Variants in ZFHX3 observed in about 807,000 individuals in gnomAD.
ZFHX3 encodes zinc finger homeobox 3.
ZFHX3 carries 42 observed loss-of-function variants against 279.1 expected under a neutral mutation model. The observed-to-expected ratio is 0.15, with a 90% confidence interval of 0.12 to 0.19. The LOEUF (loss-of-function observed/expected upper bound fraction) is 0.19. Ranked by LOEUF, ZFHX3 falls within the 10% of genes least tolerant of loss-of-function variation. The pLI, the probability that ZFHX3 is intolerant of heterozygous loss-of-function variation, is 1.00. For missense variants in ZFHX3, 4,981 were observed against 4,754.0 expected (o/e 1.05, Z -1.40); for synonymous variants, 2,293 against 1,957.8 (o/e 1.17, Z -4.52).
At chr16:73,154,645 T>C (rs554543611) in intron 5 of ZFHX3, among the ~76,000 whole-genome samples, 23 of 152,198 alleles carry the variant, frequency 1.5e-4, no homozygotes, top group Non-Finnish European at 2.9e-4. Flanking sequence ...ACATACATTT[T>C]AGGGACTCTT....
intron 8 of ZFHX3, among the ~76,000 whole-genome samples, chr16:73,065,664 C>G (rs1965742153): frequency 6.6e-6 from 1 of 151,694 alleles, no homozygotes; most frequent in African/African-American, 2.4e-5. Context: ...ATTCCCAGTC[C>G]TCGTCCTCCC....
chr16:73,784,816 T>TATATATAC (rs1555501460), intron 1 of ZFHX3, among the ~76,000 whole-genome samples: 12 of 135,504 alleles, frequency 8.9e-5, no homozygotes, highest in African/African-American at 3.4e-4. Flanking sequence ...TATATATATA[T>TATATATAC]ACACACACAC....
chr16:73,021,952 C>T (rs1254342126), intron 1 of ZFHX3, among the ~76,000 whole-genome samples: 2 of 151,916 alleles, frequency 1.3e-5, no homozygotes, highest in Non-Finnish European at 2.9e-5. Flanking sequence ...AGTGACACAG[C>T]TCCAAGCTAA....
At chr16:73,190,944 A>C (rs1474698145) in intron 5 of ZFHX3, among the ~76,000 whole-genome samples, 1 of 151,702 alleles carries the variant, frequency 6.6e-6, no homozygotes, top group African/African-American at 2.4e-5. Flanking sequence ...CCGGAATTTG[A>C]AATAATCATT....
At position 72,787,732 on chromosome 16, in the gene ZFHX3, C is replaced by T. The variant is rs199920204; in HGVS notation, c.10544G>A (p.Gly3515Asp). ...GCCGCCGCCGCCACCGCCGCCGCCG[C>T]CGCCACTGCCACCGCCGCCGCCGCC... ...PTGGGGGGSG[G>D]GGGGGGGGGG... The change falls in exon 10 of 10, where the codon GGC becomes GAC. Residue 3515 changes from glycine to aspartate, a missense_variant. By Grantham distance (94) the Gly-to-Asp change is moderately conservative. This residue lies in a region of ZFHX3 where 1,034 missense variants were observed against 786.0 expected (regional missense o/e 1.32). Transcript: ENST00000268489. The T allele has an allele frequency of 3.1e-5, 44 of 1,398,962 alleles. No homozygotes were observed. Among genetic ancestry groups the T allele is most frequent in the Admixed American group, 5.0e-5 (2 of 40,288 alleles). 86.7% of individuals were successfully genotyped at this position (1,398,962 alleles called of 1,614,324 possible). A position where few individuals can be genotyped will look rare whatever the true frequency, so the allele number is the denominator to read the frequency against.
chr16:73,141,635 C>G (rs996202407), intron 6 of ZFHX3, among the ~76,000 whole-genome samples: 1 of 152,082 alleles, frequency 6.6e-6, no homozygotes, highest in African/African-American at 2.4e-5. Context: ...TGGGCTCAAG[C>G]GATCCTCCTG....
intron 1 of ZFHX3, among the ~76,000 whole-genome samples, chr16:73,720,532 C>T (rs943238136): frequency 6.6e-6 from 1 of 152,040 alleles, no homozygotes; most frequent in Non-Finnish European, 1.5e-5. Context: ...TTTATTGATG[C>T]AGGAAAATAT....
intron 1 of ZFHX3, among the ~76,000 whole-genome samples, chr16:73,035,181 T>G (rs758926098): frequency 6.6e-6 from 1 of 152,240 alleles, no homozygotes; most frequent in Non-Finnish European, 1.5e-5. Flanking sequence ...AAATATCTCA[T>G]TAATAGTTTT....
At chr16:73,380,299 C>T (rs893900334) in intron 3 of ZFHX3, among the ~76,000 whole-genome samples, 2 of 152,092 alleles carry the variant, frequency 1.3e-5, no homozygotes, top group African/African-American at 4.8e-5. Flanking sequence ...CCATAGACAT[C>T]TCTCAGAATT....
chr16:72,798,778 C>A, intron 8 of ZFHX3, 64 bp from the exon 9 acceptor site: 1 of 1,498,202 alleles, frequency 6.7e-7, no homozygotes. Flanking sequence ...AGGATGGCAC[C>A]CAGAGCGGTC....
chr16:73,203,026 C>T (rs1312495825), intron 5 of ZFHX3, among the ~76,000 whole-genome samples: 1 of 150,224 alleles, frequency 6.7e-6, no homozygotes, highest in Admixed American at 6.7e-5. Flanking sequence ...TTAGCTGAAG[C>T]ATCACCTCCT....
intron 3 of ZFHX3, among the ~76,000 whole-genome samples, chr16:72,934,157 G>A (rs1194404507): frequency 6.6e-6 from 1 of 152,220 alleles, no homozygotes; most frequent in African/African-American, 2.4e-5. Flanking sequence ...TAGGCGTGAT[G>A]GCTCAGCCTG....
At position 73,072,989 on chromosome 16, in the gene ZFHX3, C is replaced by T. The variant is rs1037313764; in HGVS notation, c.-532-13977G>A. ...TCGGCTCACTGCAACCTCCATTTCC[C>T]GGGTTTAAGCGATTCTCCTGCCTTA... On this transcript the variant is annotated intron_variant, in intron 8 of 17. Transcript: ENST00000641206. 7.4e-4 allele frequency among the ~76,000 whole-genome samples: 112 copies of T among 151,872 alleles called. 1 individual carries two copies. The highest frequency in any genetic ancestry group is 2.6e-3 in the African/African-American group (108 of 41,326).
At chr16:73,377,919 G>A (rs8047763) in intron 3 of ZFHX3, among the ~76,000 whole-genome samples, 6 of 150,300 alleles carry the variant, frequency 4.0e-5, no homozygotes, top group African/African-American at 1.2e-4. Context: ...TGTAGTCCCA[G>A]CTACTCAGGA....
At chr16:73,454,673 C>T (rs563330981) in intron 3 of ZFHX3, among the ~76,000 whole-genome samples, 132 of 151,876 alleles carry the variant, frequency 8.7e-4, no homozygotes, top group Middle Eastern at 3.4e-3. Context: ...GCTTCCTTTT[C>T]CCAGTTAGGG....
chr16:73,634,452 A>G lies in ZFHX3; in HGVS notation c.-1547+45728T>C, dbSNP rs1004830206. 2.0e-4 allele frequency among the ~76,000 whole-genome samples: 30 copies of G among 146,684 alleles called. 1 individual carries two copies. The highest frequency in any genetic ancestry group is 1.9e-3 in the Admixed American group (28 of 14,718). On this transcript the variant is annotated intron_variant, in intron 2 of 17. Transcript: ENST00000641206. ...ATGTATAATATATATATATATATAT[A>G]TATATATATAAAATATATATGTAAA... is the stretch of plus-strand genomic sequence containing the variant.
At chr16:73,823,405 G>T (rs557999556) in intron 1 of ZFHX3, among the ~76,000 whole-genome samples, 1 of 152,272 alleles carries the variant, frequency 6.6e-6, no homozygotes, top group Non-Finnish European at 1.5e-5. Flanking sequence ...ATCAATGACA[G>T]ATGAAAGGCA....
intron 3 of ZFHX3, among the ~76,000 whole-genome samples, chr16:73,422,052 G>A (rs1388805575): frequency 6.6e-6 from 1 of 152,114 alleles, no homozygotes; most frequent in Non-Finnish European, 1.5e-5. Context: ...CGCTTCCGGG[G>A]CAAACAGGCA....
Position 72,958,293 on chromosome 16 carries a change from G to A in ZFHX3, c.1853C>T (p.Pro618Leu). Reference sequence around the variant, plus strand: ...GAGGGAGCCAGCGTGCTGGTGATGGGGAACGAAGCCCCCATCGTCACCCTC... The same window carrying A: ...GAGGGAGCCAGCGTGCTGGTGATGGAGAACGAAGCCCCCATCGTCACCCTC... ...STEGDDGGFV[P>L]HHQHAGSLCE... The change falls in exon 2 of 10, where the codon CCC becomes CTC. Residue 618 changes from proline (P) to leucine (L), a missense_variant. This residue lies in a region of ZFHX3 where 1,068 missense variants were observed against 935.2 expected (regional missense o/e 1.14). Transcript: ENST00000268489. The A allele has an allele frequency of 1.2e-6, 2 of 1,614,012 alleles. No individual in the cohort carries two copies. Among genetic ancestry groups the A allele is most frequent in the Non-Finnish European group, 8.5e-7 (1 of 1,179,884 alleles).
Sources: allele counts gnomAD v4.1 joint callset (sites outside exome capture counted in the v4.1 genomes callset), GRCh38; gene constraint gnomAD v4.1.1; regional missense constraint gnomAD v4.1.1; transcripts MANE v1.5; gene names NCBI Gene and HGNC (gene_info 2026-07-23, HGNC 2026-07-21).